Variants in ZNF732 observed in about 807,000 individuals in gnomAD.
The protein encoded by ZNF732 is zinc finger protein 732.
Under a neutral mutation model 11.5 loss-of-function variants are expected in ZNF732, and 12 were observed. The observed-to-expected ratio is 1.05, with a 90% CI of 0.67 to 1.70. ZNF732 has a LOEUF of 1.70. ZNF732 is among the 40% of genes most tolerant of loss of function. The pLI, the probability that ZNF732 is intolerant of heterozygous loss-of-function variation, is 0.00. For synonymous variants in ZNF732, 231 were observed against 236.5 expected (o/e 0.98, Z 0.21); for missense variants, 702 against 676.9 (o/e 1.04, Z -0.41).
chr4:300,454 C>CAAAAAA (rs559629684), intron 1 of ZNF732, among the ~76,000 whole-genome samples: 17 of 58,290 alleles, frequency 2.9e-4, no homozygotes, highest in South Asian at 6.1e-4. Flanking sequence ...GACTCTGTCT[C>CAAAAAA]AAAAAAAAAA....
At position 297,858 on chromosome 4, in the gene ZNF732, C is replaced by A. The variant is rs141703691; in HGVS notation, c.4-1703G>T. 3.3e-3 allele frequency among the ~76,000 whole-genome samples: 502 copies of A among 152,196 alleles called. 4 individuals carry two copies. In the East Asian group the frequency reaches 0.039, roughly 12 times the overall value. On this transcript the variant is annotated intron_variant, in intron 1 of 3. Transcript: ENST00000419098. ...GAGAGATTTCAGTGTGGGGTCAGAC[C>A]TGGACAAGGTTCAGTAGAGGGTGGA...
intron 3 of ZNF732, among the ~76,000 whole-genome samples, chr4:278,483 T>A (rs376044884): frequency 2.0e-4 from 30 of 152,332 alleles, no homozygotes; most frequent in African/African-American, 7.2e-4. Flanking sequence ...AAGTTAAATA[T>A]TAAATTTGAA....
At chr4:286,205 CAA>C (rs1719725457) in intron 3 of ZNF732, among the ~76,000 whole-genome samples, 1 of 152,034 alleles carries the variant, frequency 6.6e-6, no homozygotes, top group African/African-American at 2.4e-5. Context: ...CAAGAATTGT[CAA>C]AAAGAGAAAC....
At chr4:279,315 G>A (rs868947471) in intron 3 of ZNF732, among the ~76,000 whole-genome samples, 14 of 151,998 alleles carry the variant, frequency 9.2e-5, no homozygotes, top group Middle Eastern at 6.8e-3. Flanking sequence ...GCGTGGTGGT[G>A]GGCGCTTGTA....
In ZNF732 at chr4:271,170, A is replaced by G. The variant is rs1719346496; in HGVS notation, c.1687T>C (p.Cys563Arg). 1 of 1,553,610 alleles carries G rather than the reference A, an allele frequency of 6.4e-7. No homozygotes were observed. Among genetic ancestry groups the G allele is most frequent in the Non-Finnish European group, 8.7e-7 (1 of 1,148,218 alleles). Residue 563 changes from cysteine (C) to arginine (R), a missense_variant, in exon 4 of 4, where the codon TGT (cysteine) becomes CGT (arginine). By Grantham distance (180) the Cys-to-Arg change is radical (BLOSUM62 -3). Transcript: ENST00000419098. ...TGDKTPKCKG[C>R]GKAFKWSSYL... The stretch of plus-strand genomic sequence containing the variant: ...GAGGACCACTTAAAGGCTTTGCCAC[A>G]TCCTTTACATTTGGGGGTTTTATCT...
In ZNF732 at chr4:300,497, G is replaced by A. The variant is rs114659363; in HGVS notation, c.4-4342C>T. 4.5e-3 allele frequency among the ~76,000 whole-genome samples: 667 copies of A among 148,726 alleles called. 4 individuals are homozygous for A. Among genetic ancestry groups the A allele is most frequent in the African/African-American group, 0.016 (629 of 40,428 alleles). On this transcript the variant is annotated intron_variant, in intron 1 of 3. Coordinates refer to ENST00000419098, the MANE Select transcript of ZNF732 (RefSeq NM_001137608.3). ...AAAGAAAAGAAAAGAAAAAATTATA[G>A]CCATTTGTGGCAATAGCACACAATT...
rs1269454753 is a variant in ZNF732, at chr4:270,730, G to A, written c.*369C>T. Reference sequence around the variant, plus strand: ...TTTCTCATGTTTATTTATGGGTGAGGACCGTTTATAGGCTTTCCCACATTC... The same window carrying A: ...TTTCTCATGTTTATTTATGGGTGAGAACCGTTTATAGGCTTTCCCACATTC... On this transcript the variant is annotated 3_prime_UTR_variant, in exon 4 of 4. Coordinates refer to ENST00000419098, the MANE Select transcript of ZNF732 (RefSeq NM_001137608.3). 2 of 428,260 alleles carry A rather than the reference G, an allele frequency of 4.7e-6. No homozygotes were observed. Among genetic ancestry groups the A allele is most frequent in the Non-Finnish European group, 9.0e-6 (2 of 221,778 alleles). 26.5% of individuals were successfully genotyped at this position (428,260 alleles called of 1,614,324 possible).
At chr4:294,925 T>G (rs1042773854) in intron 3 of ZNF732, among the ~76,000 whole-genome samples, 1 of 152,208 alleles carries the variant, frequency 6.6e-6, no homozygotes, top group African/African-American at 2.4e-5. Context: ...TCTGATAAAA[T>G]TGCTGAGTAA....
intron 1 of ZNF732, among the ~76,000 whole-genome samples, chr4:297,555 T>G (rs1719978628): frequency 6.9e-6 from 1 of 145,170 alleles, no homozygotes; most frequent in South Asian, 2.2e-4. Flanking sequence ...AAACAAAGGA[T>G]GTATTAAATG....
intron 1 of ZNF732, among the ~76,000 whole-genome samples, chr4:299,450 T>TACACATATGTGTATATATATATAC (rs1720050452): frequency 1.4e-5 from 1 of 72,694 alleles, no homozygotes; most frequent in African/African-American, 4.6e-5. Flanking sequence ...TATATATATA[T>TACACATATGTGTATATATATATAC]ACACATATGT....
In ZNF732 at chr4:280,132, T is replaced by C. The variant is rs548428370; in HGVS notation, c.227-7502A>G. Among the ~76,000 whole-genome samples the C allele has an allele frequency of 6.6e-5, 10 of 151,954 alleles. No homozygotes were observed. In the South Asian group the frequency reaches 1.7e-3, roughly 25 times the overall value. Reference sequence around the variant, plus strand: ...CATGAAAAAAGACTCCCCAGTAAAATAGAGTTTGAAAACAATAAAAAATTC... The same window carrying C: ...CATGAAAAAAGACTCCCCAGTAAAACAGAGTTTGAAAACAATAAAAAATTC... On this transcript the variant is annotated intron_variant, in intron 3 of 3. Transcript: ENST00000419098.
intron 3 of ZNF732, among the ~76,000 whole-genome samples, chr4:285,288 G>A (rs919930899): frequency 6.6e-6 from 1 of 152,212 alleles, no homozygotes; most frequent in Non-Finnish European, 1.5e-5. Context: ...TACTGGCCCA[G>A]GCAGGCAGCT....
At chr4:280,751 C>G (rs901579168) in intron 3 of ZNF732, among the ~76,000 whole-genome samples, 1 of 152,140 alleles carries the variant, frequency 6.6e-6, no homozygotes, top group Non-Finnish European at 1.5e-5. Context: ...TAAAATGTGT[C>G]CAATTTTCAT....
In ZNF732 at chr4:271,177, A is replaced by C. The variant is rs1390616784; in HGVS notation, c.1680T>G (p.Cys560Trp). The C allele has an allele frequency of 1.3e-6, 2 of 1,553,784 alleles. No individual in the cohort carries two copies. Among genetic ancestry groups the C allele is most frequent in the Non-Finnish European group, 1.7e-6 (2 of 1,148,354 alleles). ...TIHTGDKTPK[C>W]KGCGKAFKWS... Reference sequence around the variant, plus strand: ...ACTTAAAGGCTTTGCCACATCCTTTACATTTGGGGGTTTTATCTCCAGTAT... The same window carrying C: ...ACTTAAAGGCTTTGCCACATCCTTTCCATTTGGGGGTTTTATCTCCAGTAT... The change falls in exon 4 of 4, where the codon TGT (cysteine) becomes TGG (tryptophan). Residue 560 changes from cysteine to tryptophan, a missense_variant. By Grantham distance (215) the Cys-to-Trp change is radical (BLOSUM62 -2). Around this residue, in one of 3 missense-constraint regions of ZNF732, gnomAD observed 94 missense variants for 87.5 expected, o/e 1.07. Coordinates refer to ENST00000419098, the MANE Select transcript of ZNF732 (RefSeq NM_001137608.3).
Position 270,700 on chromosome 4 carries a change from T to C in ZNF732, c.*399A>G, listed in dbSNP as rs961308667. ...ACATTTGTAGGTGTTCTCTCCATTA[T>C]GAATTTTCTCATGTTTATTTATGGG... On this transcript the variant is annotated 3_prime_UTR_variant, in exon 4 of 4. Coordinates refer to ENST00000419098, the MANE Select transcript of ZNF732 (RefSeq NM_001137608.3). 2.5e-6 allele frequency: 1 copy of C among 392,692 alleles called. No homozygotes were observed. Among genetic ancestry groups the C allele is most frequent in the Non-Finnish European group, 5.0e-6 (1 of 199,936 alleles). The allele number at this position is 392,692 out of a possible 1,614,324, so 24.3% of individuals were successfully genotyped here. A position where few individuals can be genotyped will look rare whatever the true frequency, so the allele number is the denominator to read the frequency against.
At chr4:282,436 G>T (rs2108654951) in intron 3 of ZNF732, among the ~76,000 whole-genome samples, 1 of 152,194 alleles carries the variant, frequency 6.6e-6, no homozygotes, top group South Asian at 2.1e-4. Context: ...GATAATGCAT[G>T]CCTATAAACC....
At chr4:300,785 A>C (rs1720100434) in intron 1 of ZNF732, among the ~76,000 whole-genome samples, 1 of 152,202 alleles carries the variant, frequency 6.6e-6, no homozygotes, top group Non-Finnish European at 1.5e-5. Flanking sequence ...AAACCTAAGC[A>C]ATATCATTCA....
At chr4:303,119 C>A (rs1490634223) in intron 1 of ZNF732, among the ~76,000 whole-genome samples, 1 of 152,228 alleles carries the variant, frequency 6.6e-6, no homozygotes, top group Non-Finnish European at 1.5e-5. Flanking sequence ...CCGCGTCTAT[C>A]ACCTTGTAAT....
At position 299,443 on chromosome 4, in the gene ZNF732, A is replaced by ACACATATATACACATATGTGTATG. The variant is rs1720048261; in HGVS notation, c.4-3289_4-3288insCATACACATATGTGTATATATGTG. ...CATATATACACATATGTGTATATAT[A>ACACATATATACACATATGTGTATG]TATATATACACATATGTGTATATAT... On this transcript the variant is annotated intron_variant, in intron 1 of 3. Transcript: ENST00000419098. 4.6e-5 allele frequency among the ~76,000 whole-genome samples: 2 copies of ACACATATATACACATATGTGTATG among 43,474 alleles called. 1 individual carries two copies. Among genetic ancestry groups the ACACATATATACACATATGTGTATG allele is most frequent in the African/African-American group, 1.9e-4 (2 of 10,650 alleles). 28.5% of individuals were successfully genotyped at this position (43,474 alleles called of 152,430 possible). A position where few individuals can be genotyped will look rare whatever the true frequency, so the allele number is the denominator to read the frequency against.
Sources: allele counts gnomAD v4.1 joint callset (sites outside exome capture counted in the v4.1 genomes callset), GRCh38; gene constraint gnomAD v4.1.1; regional missense constraint gnomAD v4.1.1; transcripts MANE v1.5; gene names NCBI Gene and HGNC (gene_info 2026-07-23, HGNC 2026-07-21).